The following FHDC1 variants were observed in gnomAD, a reference collection of about 807,000 sequenced individuals.
FHDC1 encodes FH2 domain containing 1.
A neutral mutation model predicts 52.6 loss-of-function variants in FHDC1; 25 were observed. The observed-to-expected ratio is 0.48, with a 90% CI of 0.35 to 0.66. FHDC1 has a LOEUF of 0.66. Among genes scored for constraint, FHDC1 ranks in the 30% least tolerant of loss-of-function variants. The pLI is 0.01. For synonymous variants in FHDC1, 616 were observed against 581.5 expected, an observed-to-expected ratio of 1.06 and a Z score of -0.85; for missense variants, 1,459 against 1,452.8, an observed-to-expected ratio of 1.00 and a Z score of -0.07.
the FHDC1 span, among the ~76,000 whole-genome samples, chr4:152,930,518 C>G: frequency 5.4e-4 from 82 of 152,160 alleles, no homozygotes; most frequent in Non-Finnish European, 1.0e-3. Context: ...CCAAAAGACC[C>G]CCCTTCAATT....
chr4:152,976,879 C>A lies in FHDC1; in HGVS notation c.*156C>A. The A allele has an allele frequency of 1.1e-6, 1 of 945,094 alleles. No homozygotes were observed. The highest frequency in any genetic ancestry group is 1.5e-6 in the Non-Finnish European group (1 of 671,272). 58.5% of individuals were successfully genotyped at this position (945,094 alleles called of 1,614,324 possible). A position where few individuals can be genotyped will look rare whatever the true frequency, so the allele number is the denominator to read the frequency against. Reference sequence around the variant, plus strand: ...GTTGGGATGGCACAGTCCAGGAGGCCTGTGGACTGCAGCCTGCTGTGCTGA... The same window carrying A: ...GTTGGGATGGCACAGTCCAGGAGGCATGTGGACTGCAGCCTGCTGTGCTGA... On this transcript the variant is annotated 3_prime_UTR_variant, in exon 12 of 12. Coordinates refer to ENST00000511601, the MANE Select transcript of FHDC1 (RefSeq NM_001371116.1).
chr4:152,937,396 C>G (rs929057216), intron 1 of FHDC1, among the ~76,000 whole-genome samples: 2 of 152,110 alleles, frequency 1.3e-5, no homozygotes, highest in African/African-American at 4.8e-5. Context: ...CTGGGCGCAG[C>G]GTGCTAAACC....
At position 152,978,433 on chromosome 4, in the gene FHDC1, C is replaced by G. The variant is rs1740975129; in HGVS notation, c.*1710C>G. The G allele has an allele frequency of 6.6e-6, 1 of 152,008 alleles. No homozygotes were observed. Among genetic ancestry groups the G allele is most frequent in the Non-Finnish European group, 1.5e-5 (1 of 67,998 alleles). 9.4% of individuals were successfully genotyped at this position (152,008 alleles called of 1,614,324 possible). A position where few individuals can be genotyped will look rare whatever the true frequency, so the allele number is the denominator to read the frequency against. On this transcript the variant is annotated 3_prime_UTR_variant, in exon 12 of 12. Coordinates refer to ENST00000511601, the MANE Select transcript of FHDC1 (RefSeq NM_001371116.1). ...GTGGTTTTTAAATACTGAGAAGAACCAAGTCAGGTTTTTTAAAGCAGACTA... is the reference window on the plus strand; with the variant it reads ...GTGGTTTTTAAATACTGAGAAGAACGAAGTCAGGTTTTTTAAAGCAGACTA...
intron 2 of FHDC1, among the ~76,000 whole-genome samples, chr4:152,948,815 A>T (rs1458985707): frequency 6.6e-6 from 1 of 152,060 alleles, no homozygotes; most frequent in Admixed American, 6.6e-5. Context: ...TGCTCTGGGG[A>T]TGGATGGTGG....
chr4:152,944,732 A>ATTAGT (rs1332685229), intron 2 of FHDC1, among the ~76,000 whole-genome samples: 1 of 152,244 alleles, frequency 6.6e-6, no homozygotes, highest in East Asian at 1.9e-4. Flanking sequence ...AGTGTAAACT[A>ATTAGT]TGGCATAAAT....
At position 152,976,002 on chromosome 4, in the gene FHDC1, A is replaced by G. The variant is rs1210878501; in HGVS notation, c.2711A>G (p.Lys904Arg). 2 of 1,535,372 alleles carry G rather than the reference A, an allele frequency of 1.3e-6. No homozygotes were observed. Among genetic ancestry groups the G allele is most frequent in the African/African-American group, 2.8e-5 (2 of 72,092 alleles). Residue 904 changes from lysine (K) to arginine (R), a missense_variant, in exon 12 of 12, where the codon AAG becomes AGG. Physicochemically the swap from Lys to Arg is conservative, Grantham distance 26. Transcript: ENST00000511601. Reference sequence around the variant, plus strand: ...GCCTCAGAGAACGAGAGCATGCGCAAGGTCATGCCCATCACCAAGTCCAGC... The same window carrying G: ...GCCTCAGAGAACGAGAGCATGCGCAGGGTCATGCCCATCACCAAGTCCAGC... ...LTASENESMR[K>R]VMPITKSSRG... is the part of the protein sequence containing the mutation.
rs7688776 is a variant in FHDC1 at position 152,975,613 on chromosome 4, G to C, written c.2322G>C (p.Ser774=). The C allele has an allele frequency of 0.044, 70,406 of 1,613,526 alleles. 1,879 individuals carry two copies. Among genetic ancestry groups the C allele is most frequent in the African/African-American group, 0.11 (8,583 of 75,008 alleles). The change falls in exon 12 of 12, where the codon TCG becomes TCC. Residue 774 remains serine, a synonymous_variant. Transcript: ENST00000511601. ...NKDPRPLFCI[S]DTTDCSLTLD... is the part of the protein sequence containing the mutation. ...ATCCTAGACCTCTGTTCTGCATCTC[G>C]GACACCACCGACTGCTCACTGACCC...
chr4:152,968,149 C>T, intron 10 of FHDC1, 52 bp downstream of exon 10: 2 of 1,337,732 alleles, frequency 1.5e-6, no homozygotes, highest in Non-Finnish European at 2.1e-6. Context: ...CAGCAGCACC[C>T]CGGGGCTGGT....
chr4:152,971,448 T>G (rs895437869), intron 10 of FHDC1, among the ~76,000 whole-genome samples: 5 of 152,224 alleles, frequency 3.3e-5, no homozygotes, highest in African/African-American at 4.8e-5. Context: ...TACTGCTTCC[T>G]CATGCAGCTC....
rs1740255728 is a variant in FHDC1 at position 152,960,735 on chromosome 4, A to G, written c.750-9A>G. ...TCAAATTCTACAGTTTTACTTTTTTATTTTTCAGCTATTCACTTCGGATTG... is the reference window on the plus strand; with the variant it reads ...TCAAATTCTACAGTTTTACTTTTTTGTTTTTCAGCTATTCACTTCGGATTG... On this transcript the variant is annotated splice_polypyrimidine_tract_variant and intron_variant, in intron 5 of 11. Coordinates refer to ENST00000511601, the MANE Select transcript of FHDC1 (RefSeq NM_001371116.1). 1.2e-6 allele frequency: 2 copies of G among 1,611,308 alleles called. No individual in the cohort carries two copies. Among genetic ancestry groups the G allele is most frequent in the Non-Finnish European group, 1.7e-6 (2 of 1,179,378 alleles).
the FHDC1 span, among the ~76,000 whole-genome samples, chr4:152,912,676 A>G: frequency 0.019 from 2,949 of 152,338 alleles, 114 homozygotes; most frequent in African/African-American, 0.067. Flanking sequence ...ATAAAGGCTG[A>G]ACAATCACCA....
chr4:152,917,514 A>G, the FHDC1 span, among the ~76,000 whole-genome samples: 26 of 152,216 alleles, frequency 1.7e-4, 1 homozygote, highest in East Asian at 2.9e-3. Context: ...TCTTTTTCCA[A>G]TTCCCCACCC....
intron 9 of FHDC1, 77 bp from the exon 10 acceptor site, chr4:152,967,903 G>T: frequency 9.7e-7 from 1 of 1,035,464 alleles, no homozygotes; most frequent in Non-Finnish European, 1.5e-6. Context: ...TTGAACAACA[G>T]TTAGTCTTAT....
intron 11 of FHDC1, 110 bp downstream of exon 11, chr4:152,972,651 G>C: frequency 7.9e-7 from 1 of 1,273,034 alleles, no homozygotes; most frequent in Non-Finnish European, 1.1e-6. Context: ...CCACGGTTTC[G>C]GGGACATCTG....
the FHDC1 span, among the ~76,000 whole-genome samples, chr4:152,917,412 A>G: frequency 1.3e-5 from 2 of 152,188 alleles, no homozygotes; most frequent in Non-Finnish European, 2.9e-5. Flanking sequence ...CGTTTTCCCT[A>G]ATTCACACTT....
rs1291933219 is a variant in FHDC1 at position 152,954,280 on chromosome 4, C to A, written c.624C>A (p.Thr208=). 6.2e-7 allele frequency: 1 copy of A among 1,614,112 alleles called. No homozygotes were observed. The highest frequency in any genetic ancestry group is 1.7e-5 in the Admixed American group (1 of 60,024). ...AAAGTGAGCATTATGGATCAGAGAC[C>A]TTGCGAGAATTTCTTAAGTTTTTGC... ...QGKSEHYGSE[T]LREFLKFLPE... The change falls in exon 4 of 12, where the codon ACC becomes ACA. Residue 208 remains threonine, a synonymous_variant. Transcript: ENST00000511601.
rs1047919699 is a variant in FHDC1 at position 152,972,297 on chromosome 4, T to C, written c.1219-80T>C. 3.2e-5 allele frequency: 45 copies of C among 1,422,506 alleles called. 1 individual carries two copies. The highest frequency in any genetic ancestry group is 4.1e-5 in the Non-Finnish European group (44 of 1,060,656). The allele number at this position is 1,422,506 out of a possible 1,614,324, so 88.1% of individuals were successfully genotyped here. A position where few individuals can be genotyped will look rare whatever the true frequency, so the allele number is the denominator to read the frequency against. Reference sequence around the variant, plus strand: ...AAATGAAACCCCAGAGCACGTCTTCTCTGGGCACCGGATGCAGTGCCCAGC... The same window carrying C: ...AAATGAAACCCCAGAGCACGTCTTCCCTGGGCACCGGATGCAGTGCCCAGC... On this transcript the variant is annotated intron_variant, in intron 10 of 11. Transcript: ENST00000511601.
Position 152,962,860 on chromosome 4 carries a change from C to T in FHDC1, c.897C>T (p.Leu299=). The T allele has an allele frequency of 1.2e-6, 2 of 1,613,630 alleles. No homozygotes were observed. The highest frequency in any genetic ancestry group is 1.7e-6 in the Non-Finnish European group (2 of 1,179,954). ...TACATTCAATATTACACTTGGTGCT[C>T]CAGGCTGGGAATATCATGAATGCAG... The part of the protein sequence containing the change: ...EELHSILHLV[L]QAGNIMNAGG... Residue 299 remains leucine (L), a synonymous_variant, in exon 7 of 12, where the codon CTC becomes CTT. Coordinates refer to ENST00000511601, the MANE Select transcript of FHDC1 (RefSeq NM_001371116.1).
intron 9 of FHDC1, among the ~76,000 whole-genome samples, chr4:152,967,247 G>A (rs948918391): frequency 5.9e-5 from 9 of 152,258 alleles, no homozygotes; most frequent in East Asian, 1.9e-4. Flanking sequence ...CCAACATGGC[G>A]AAACCCCGTC....
Sources: gnomAD v4.1 joint callset for allele counts (sites outside exome capture counted in the v4.1 genomes callset) on GRCh38, gnomAD v4.1.1 for gene constraint, MANE v1.5 for transcripts, NCBI Gene and HGNC (gene_info 2026-07-23, HGNC 2026-07-21) for gene names.